Variants in TRPM3 observed in about 807,000 individuals in gnomAD.
TRPM3 encodes the protein transient receptor potential cation channel subfamily M member 3, also known as long transient receptor potential channel 3.
Under a neutral mutation model 181.2 loss-of-function variants are expected in TRPM3, and 77 were observed. The observed-to-expected ratio is 0.42, with a 90% CI of 0.35 to 0.51. The LOEUF is 0.51. TRPM3 is among the 20% of genes least tolerant of loss of function. TRPM3 has a pLI of 0.01. For synonymous variants in TRPM3, 745 were observed against 796.4 expected (o/e 0.94, Z 1.09); for missense variants, 1,759 against 2,196.7 (o/e 0.80, Z 3.98).
chr9:70,912,111 G>A (rs1355738801), intron 1 of TRPM3, among the ~76,000 whole-genome samples: 1 of 152,160 alleles, frequency 6.6e-6, no homozygotes, highest in East Asian at 1.9e-4. Flanking sequence ...CTCAATCTGT[G>A]CATAGTTTTG....
At chr9:71,065,144 T>C (rs1482404875) in intron 1 of TRPM3, among the ~76,000 whole-genome samples, 1 of 152,146 alleles carries the variant, frequency 6.6e-6, no homozygotes, top group East Asian at 1.9e-4. Flanking sequence ...CAAATCTCTG[T>C]ACAATGAACA....
chr9:70,921,535 T>C (rs2096653073), intron 1 of TRPM3, among the ~76,000 whole-genome samples: 1 of 152,186 alleles, frequency 6.6e-6, no homozygotes, highest in Non-Finnish European at 1.5e-5. Context: ...TGAAGTGCTA[T>C]GACATTTCTC....
chr9:71,437,665 T>C (rs1589026861), intron 1 of TRPM3, among the ~76,000 whole-genome samples: 1 of 151,868 alleles, frequency 6.6e-6, no homozygotes, highest in Non-Finnish European at 1.5e-5. Flanking sequence ...GTCAGGAGTT[T>C]GAGACCAGCC....
At chr9:70,920,123 T>A (rs2096640311) in intron 1 of TRPM3, among the ~76,000 whole-genome samples, 1 of 152,250 alleles carries the variant, frequency 6.6e-6, no homozygotes, top group Non-Finnish European at 1.5e-5. Flanking sequence ...ATTTTATGAT[T>A]ACCTCAAAAG....
chr9:70,873,508 T>C (rs1240811265), intron 1 of TRPM3, among the ~76,000 whole-genome samples: 1 of 152,014 alleles, frequency 6.6e-6, no homozygotes, highest in Non-Finnish European at 1.5e-5. Context: ...GCAAACCAAA[T>C]TATTGATTAT....
At chr9:70,685,894 G>A (rs1236294624) in intron 8 of TRPM3, among the ~76,000 whole-genome samples, 1 of 130,940 alleles carries the variant, frequency 7.6e-6, no homozygotes, top group Non-Finnish European at 1.6e-5. Context: ...TATATGCACT[G>A]TCATTTTCGT....
chr9:70,808,524 T>G (rs867498211), intron 6 of TRPM3, among the ~76,000 whole-genome samples: 1 of 152,216 alleles, frequency 6.6e-6, no homozygotes, highest in South Asian at 2.1e-4. Flanking sequence ...CTCAAAGTTA[T>G]TTTTTTGGCT....
chr9:71,310,434 A>C (rs1004366174), intron 1 of TRPM3, among the ~76,000 whole-genome samples: 1 of 152,100 alleles, frequency 6.6e-6, no homozygotes, highest in Non-Finnish European at 1.5e-5. Flanking sequence ...GAAGAGATCT[A>C]GGCAACATCT....
intron 1 of TRPM3, among the ~76,000 whole-genome samples, chr9:71,270,493 C>T (rs2083708947): frequency 1.3e-5 from 2 of 152,192 alleles, no homozygotes; most frequent in Admixed American, 1.3e-4. Context: ...TCAGCCTAAA[C>T]TTATGTCTAT....
Position 71,314,458 on chromosome 9 carries a change from G to A in TRPM3, c.183+132195C>T, listed in dbSNP as rs114269998. Among the ~76,000 whole-genome samples, 878 of 151,996 alleles carry A rather than the reference G, an allele frequency of 5.8e-3. 10 individuals are homozygous for A. The highest frequency in any genetic ancestry group is 0.019 in the African/African-American group (771 of 41,430). ...TATTGAAAAGTTTCTTTTAAAATTG[G>A]GAAAATTATTTTTGGCCCCATACCT... On this transcript the variant is annotated intron_variant, in intron 1 of 24. Coordinates refer to the TRPM3 transcript ENST00000357533.
chr9:71,274,114 T>C (rs960520937), intron 1 of TRPM3, among the ~76,000 whole-genome samples: 10 of 152,214 alleles, frequency 6.6e-5, no homozygotes. Flanking sequence ...CATTAGTTCA[T>C]CCATGCTCCA....
At position 70,625,123 on chromosome 9, in the gene TRPM3, A is replaced by C; in HGVS notation, c.1809+68T>G. 1 of 1,553,784 alleles carries C rather than the reference A, an allele frequency of 6.4e-7. No individual in the cohort carries two copies. The highest frequency in any genetic ancestry group is 1.2e-5 in the South Asian group (1 of 83,852). On this transcript the variant is annotated intron_variant, in intron 14 of 25. Transcript: ENST00000677713. The surrounding 1 kb of genome is among the most constrained non-coding windows in gnomAD (Gnocchi z 4.8). ...TTTTAATTCCCCTTGGAGACAAAGA[A>C]GCCACAACCCAAATCCCATACACCC...
At chr9:71,015,119 A>C (rs1476663256) in intron 1 of TRPM3, among the ~76,000 whole-genome samples, 1 of 151,914 alleles carries the variant, frequency 6.6e-6, no homozygotes, top group African/African-American at 2.4e-5. Context: ...AGATGGGCTC[A>C]CTCTCCTGTT....
Position 71,012,450 on chromosome 9 carries a change from G to A in TRPM3, c.177+108728C>T, listed in dbSNP as rs1263223309. Among the ~76,000 whole-genome samples, 11 of 149,116 alleles carry A rather than the reference G, an allele frequency of 7.4e-5. No individual in the cohort carries two copies. In the East Asian group the frequency reaches 2.2e-3, roughly 29 times the overall value. The stretch of plus-strand genomic sequence containing the variant: ...CTGGCAGAGTTAACCTTCCCTTACT[G>A]CTATCTCTTTTAGTATTTTCCCAGC... On this transcript the variant is annotated intron_variant, in intron 1 of 25. Coordinates refer to ENST00000677713, the MANE Select transcript of TRPM3 (RefSeq NM_001366145.2).
At chr9:70,684,584 A>G (rs1458094804) in intron 8 of TRPM3, among the ~76,000 whole-genome samples, 2 of 151,676 alleles carry the variant, frequency 1.3e-5, no homozygotes, top group Non-Finnish European at 2.9e-5. Context: ...TATTTTTCAT[A>G]TCTGCTTCAG....
At chr9:71,094,713 A>T (rs996743960) in intron 1 of TRPM3, among the ~76,000 whole-genome samples, 2 of 152,170 alleles carry the variant, frequency 1.3e-5, no homozygotes, top group African/African-American at 4.8e-5. Context: ...TTCGGTGCAT[A>T]AAAGTATCAC....
At chr9:70,738,545 C>T (rs2073291005) in intron 8 of TRPM3, among the ~76,000 whole-genome samples, 1 of 152,066 alleles carries the variant, frequency 6.6e-6, no homozygotes, top group African/African-American at 2.4e-5. Flanking sequence ...TCAGAAAGAG[C>T]ACAGACAATC....
chr9:70,928,062 T>C (rs1029327016), intron 1 of TRPM3, among the ~76,000 whole-genome samples: 2 of 152,212 alleles, frequency 1.3e-5, no homozygotes, highest in Non-Finnish European at 2.9e-5. Context: ...TTCCCATATT[T>C]GTAGGCCATC....
Position 70,827,910 on chromosome 9 carries a change from C to T in TRPM3, c.910G>A (p.Gly304Arg). The change falls in exon 6 of 26, where the codon GGA (glycine) becomes AGA (arginine). Residue 304 changes from glycine (G) to arginine (R), a missense_variant. Physicochemically the swap from Gly to Arg is moderately radical, Grantham distance 125. Transcript: ENST00000677713. ...LADNGTTGKY[G>R]AEVKLRRQLE... ...TGTCTTCGAAGTTTCACCTCTGCTCCATATTTTCCAGTGGTCCCGTTGTCA... is the reference window on the plus strand; with the variant it reads ...TGTCTTCGAAGTTTCACCTCTGCTCTATATTTTCCAGTGGTCCCGTTGTCA... 1 of 1,614,132 alleles carries T rather than the reference C, an allele frequency of 6.2e-7. No individual in the cohort carries two copies. The highest frequency in any genetic ancestry group is 8.5e-7 in the Non-Finnish European group (1 of 1,180,000).
Sources: allele counts gnomAD v4.1 joint callset (sites outside exome capture counted in the v4.1 genomes callset), GRCh38; gene constraint gnomAD v4.1.1; non-coding constraint Gnocchi (gnomAD v3.1); transcripts MANE v1.5; gene names NCBI Gene and HGNC (gene_info 2026-07-23, HGNC 2026-07-21).